The following TENT2 variants were observed in gnomAD, a reference collection of about 807,000 sequenced individuals.
TENT2 encodes terminal nucleotidyltransferase 2.
TENT2 carries 44 observed loss-of-function variants against 72.2 expected under a neutral mutation model. The observed-to-expected ratio is 0.61, with a 90% CI of 0.48 to 0.78. The LOEUF (loss-of-function observed/expected upper bound fraction) is 0.78, where lower values mean the gene tolerates loss of function less well. TENT2 is among the 30% of genes least tolerant of loss of function. The probability of loss-of-function intolerance (pLI) is 0.00; values close to 1 mark genes in which losing one functional copy is unlikely to be tolerated. For missense variants in TENT2, 541 were observed against 569.6 expected, an observed-to-expected ratio of 0.95 and a Z score of 0.51; for synonymous variants, 212 against 192.5, an observed-to-expected ratio of 1.10 and a Z score of -0.84.
intron 4 of TENT2, among the ~76,000 whole-genome samples, chr5:79,635,138 CCTCT>C (rs750374900): frequency 1.3e-5 from 2 of 152,082 alleles, no homozygotes; most frequent in South Asian, 2.1e-4. Flanking sequence ...ATACATTCCT[CCTCT>C]CTATTTTTTT....
intron 6 of TENT2, among the ~76,000 whole-genome samples, chr5:79,642,143 T>C (rs1784956896): frequency 6.6e-6 from 1 of 152,072 alleles, no homozygotes; most frequent in Non-Finnish European, 1.5e-5. Flanking sequence ...TTTACATCTT[T>C]AAAAATACAA....
chr5:79,618,736 G>A (rs1245671833), intron 1 of TENT2, among the ~76,000 whole-genome samples: 3 of 151,860 alleles, frequency 2.0e-5, no homozygotes, highest in Non-Finnish European at 2.9e-5. Flanking sequence ...ATGTGGGTAG[G>A]GCCTGTCAAC....
intron 4 of TENT2, among the ~76,000 whole-genome samples, chr5:79,629,360 A>C (rs1773155374): frequency 6.6e-6 from 1 of 152,230 alleles, no homozygotes; most frequent in South Asian, 2.1e-4. Context: ...ACGGATTCTT[A>C]AGAGATCTGA....
intron 1 of TENT2, among the ~76,000 whole-genome samples, chr5:79,618,115 T>C (rs957961520): frequency 2.0e-5 from 3 of 152,216 alleles, no homozygotes; most frequent in African/African-American, 7.2e-5. Context: ...TCTTGCCTCC[T>C]TCCTGCCCCT....
At chr5:79,628,059 T>C (rs1200909204) in intron 4 of TENT2, among the ~76,000 whole-genome samples, 3 of 152,082 alleles carry the variant, frequency 2.0e-5, no homozygotes, top group Non-Finnish European at 4.4e-5. Context: ...TTGATCTTTG[T>C]CTCTAAAAAT....
chr5:79,622,106 G>T (rs1454010809), intron 3 of TENT2, among the ~76,000 whole-genome samples: 2 of 152,076 alleles, frequency 1.3e-5, no homozygotes, highest in Non-Finnish European at 2.9e-5. Context: ...TTCGAGACCA[G>T]CCTGGCCAAC....
At chr5:79,654,898 A>C (rs1399660206) in intron 10 of TENT2, among the ~76,000 whole-genome samples, 1 of 152,166 alleles carries the variant, frequency 6.6e-6, no homozygotes, top group African/African-American at 2.4e-5. Context: ...TATGGGTATA[A>C]ATTTGTGGGG....
chr5:79,653,272 G>A (rs1277704029), intron 10 of TENT2, among the ~76,000 whole-genome samples: 1 of 151,924 alleles, frequency 6.6e-6, no homozygotes, highest in Non-Finnish European at 1.5e-5. Context: ...ATTGCTTGAG[G>A]CCAGGAGTTT....
chr5:79,648,161 GGCTGGATATGGTGGTTCC>G (rs1561521779), intron 8 of TENT2, among the ~76,000 whole-genome samples: 4 of 151,946 alleles, frequency 2.6e-5, no homozygotes, highest in East Asian at 1.9e-4. Context: ...AAAAATTTTC[GGCTGGATATGGTGGTTCC>G]TACCTATAAT....
At chr5:79,651,927 C>A (rs539785006) in intron 10 of TENT2, among the ~76,000 whole-genome samples, 1 of 152,104 alleles carries the variant, frequency 6.6e-6, no homozygotes, top group East Asian at 1.9e-4. Flanking sequence ...ATACTCTGTC[C>A]TGTTACTTAC....
At chr5:79,627,685 A>G (rs552823539) in intron 4 of TENT2, among the ~76,000 whole-genome samples, 5 of 152,156 alleles carry the variant, frequency 3.3e-5, no homozygotes, top group Admixed American at 2.6e-4. Context: ...GGGTTTTACC[A>G]TGTTGGTCAG....
chr5:79,630,306 G>A (rs1454429219), intron 4 of TENT2, among the ~76,000 whole-genome samples: 5 of 151,634 alleles, frequency 3.3e-5, no homozygotes, highest in African/African-American at 1.2e-4. Context: ...TTAAAGAGTG[G>A]TGGGAGCCAG....
chr5:79,614,472 G>C (rs1049153979), intron 1 of TENT2, among the ~76,000 whole-genome samples: 3 of 152,078 alleles, frequency 2.0e-5, no homozygotes, highest in Non-Finnish European at 4.4e-5. Context: ...TCCACCTTAG[G>C]AAACCGTCTT....
chr5:79,670,973 G>A (rs1357601089), intron 12 of TENT2, among the ~76,000 whole-genome samples: 1 of 151,484 alleles, frequency 6.6e-6, no homozygotes, highest in Non-Finnish European at 1.5e-5. Context: ...TGTTTATTAT[G>A]TTATATAAAT....
chr5:79,630,706 T>C (rs955702885), intron 4 of TENT2, among the ~76,000 whole-genome samples: 1 of 151,906 alleles, frequency 6.6e-6, no homozygotes, highest in African/African-American at 2.4e-5. Flanking sequence ...TTTGGTGAAT[T>C]GAGGGGAAGT....
chr5:79,676,839 A>G (rs1016984642), intron 12 of TENT2, among the ~76,000 whole-genome samples: 10 of 152,166 alleles, frequency 6.6e-5, no homozygotes, highest in African/African-American at 2.4e-4. Flanking sequence ...GACGATAACA[A>G]TTTTTACATG....
At chr5:79,678,836 G>A (rs115046092) in intron 12 of TENT2, among the ~76,000 whole-genome samples, 154 of 152,302 alleles carry the variant, frequency 1.0e-3, no homozygotes, top group African/African-American at 3.6e-3. Context: ...ACAAATAACA[G>A]ATTGTTACTG....
At chr5:79,668,212 A>G (rs1281951329) in intron 11 of TENT2, among the ~76,000 whole-genome samples, 1 of 152,084 alleles carries the variant, frequency 6.6e-6, no homozygotes, top group Non-Finnish European at 1.5e-5. Context: ...TTGTTCCTGG[A>G]TTTCAGGCAA....
chr5:79,681,671 T>G (rs180964981), intron 13 of TENT2: 1 of 194,762 alleles, frequency 5.1e-6, no homozygotes, highest in East Asian at 1.2e-4. Flanking sequence ...TTCCTAAGGG[T>G]AGGTCTTTGA....
Sources: allele counts gnomAD v4.1 joint callset (sites outside exome capture counted in the v4.1 genomes callset), GRCh38; gene constraint gnomAD v4.1.1; transcripts MANE v1.5; gene names NCBI Gene and HGNC (gene_info 2026-07-23, HGNC 2026-07-21).